Variants in KIAA1328 observed in about 807,000 individuals in gnomAD.
The protein encoded by KIAA1328 is protein hinderin.
KIAA1328 carries 52 observed loss-of-function variants against 68.1 expected under a neutral mutation model. The observed-to-expected ratio is 0.76, with a 90% CI of 0.61 to 0.96. KIAA1328 has a LOEUF of 0.96. KIAA1328 is among the 40% of genes least tolerant of loss of function. The pLI, the probability that KIAA1328 is intolerant of heterozygous loss-of-function variation, is 0.00. For synonymous variants in KIAA1328, 232 were observed against 239.4 expected (o/e 0.97, Z 0.28); for missense variants, 641 against 677.6 (o/e 0.95, Z 0.60).
chr18:37,075,087 G>A (rs2056671353), intron 7 of KIAA1328: 1 of 151,894 alleles, frequency 6.6e-6, no homozygotes, highest in Admixed American at 6.6e-5. Flanking sequence ...AGAGAGAAAG[G>A]TTGGGTTACC....
chr18:37,134,858 C>T (rs921488940), intron 7 of KIAA1328, among the ~76,000 whole-genome samples: 3 of 152,148 alleles, frequency 2.0e-5, no homozygotes, highest in Non-Finnish European at 4.4e-5. Context: ...CTGTCCCTCA[C>T]TCCCACCTTC....
chr18:37,123,592 A>G (rs533431293), intron 7 of KIAA1328, among the ~76,000 whole-genome samples: 8 of 152,176 alleles, frequency 5.3e-5, no homozygotes, highest in Non-Finnish European at 1.0e-4. Flanking sequence ...ATTAAATTTA[A>G]TAAATCCCAA....
intron 7 of KIAA1328, among the ~76,000 whole-genome samples, chr18:37,149,033 A>G (rs1283059489): frequency 4.6e-5 from 7 of 152,162 alleles, no homozygotes; most frequent in Admixed American, 2.0e-4. Flanking sequence ...GTGCTATTCC[A>G]TTAAACCGCA....
intron 7 of KIAA1328, among the ~76,000 whole-genome samples, chr18:37,138,718 A>G (rs1216190660): frequency 6.6e-6 from 1 of 152,010 alleles, no homozygotes; most frequent in East Asian, 1.9e-4. Flanking sequence ...CACCTGCCAC[A>G]TTATGTATTC....
At chr18:36,949,955 T>C (rs2051091219) in intron 5 of KIAA1328, among the ~76,000 whole-genome samples, 1 of 152,254 alleles carries the variant, frequency 6.6e-6, no homozygotes, top group South Asian at 2.1e-4. Context: ...TATCAGTGGC[T>C]TGTGCTCTTG....
intron 6 of KIAA1328, among the ~76,000 whole-genome samples, chr18:37,023,387 T>G (rs1323953845): frequency 6.6e-6 from 1 of 152,114 alleles, no homozygotes; most frequent in Non-Finnish European, 1.5e-5. Flanking sequence ...ACTAATTTTT[T>G]TTTTAATTTT....
At chr18:36,911,840 C>A (rs2049464499) in intron 5 of KIAA1328, among the ~76,000 whole-genome samples, 1 of 152,110 alleles carries the variant, frequency 6.6e-6, no homozygotes, top group East Asian at 1.9e-4. Flanking sequence ...CATGTAAAGG[C>A]TTAGCACAGT....
At chr18:37,078,373 A>C (rs926014421) in intron 7 of KIAA1328, among the ~76,000 whole-genome samples, 1 of 151,844 alleles carries the variant, frequency 6.6e-6, no homozygotes, top group African/African-American at 2.4e-5. Context: ...AACCATAAAA[A>C]CCCTAGAAGA....
intron 6 of KIAA1328, among the ~76,000 whole-genome samples, chr18:37,016,659 G>A (rs2054163567): frequency 6.6e-6 from 1 of 152,068 alleles, no homozygotes; most frequent in African/African-American, 2.4e-5. Context: ...ATATTGTTCT[G>A]TTCAGTGTTT....
At chr18:37,055,842 T>C (rs777523479) in intron 6 of KIAA1328, among the ~76,000 whole-genome samples, 2 of 152,198 alleles carry the variant, frequency 1.3e-5, no homozygotes, top group Non-Finnish European at 2.9e-5. Flanking sequence ...TGAGGATTGT[T>C]ATAGGGTGCT....
chr18:37,033,044 T>G (rs1458113573), intron 6 of KIAA1328, among the ~76,000 whole-genome samples: 1 of 152,214 alleles, frequency 6.6e-6, no homozygotes, highest in East Asian at 1.9e-4. Flanking sequence ...TCTTCACTAG[T>G]TTTTAGAAAT....
At position 37,223,528 on chromosome 18, in the gene KIAA1328, T is replaced by G; in HGVS notation, c.*1301T>G. 1 of 985,362 alleles carries G rather than the reference T, an allele frequency of 1.0e-6. No homozygotes were observed. The highest frequency in any genetic ancestry group is 1.2e-6 in the Non-Finnish European group (1 of 829,912). The allele number at this position is 985,362 out of a possible 1,614,324, so 61.0% of individuals were successfully genotyped here. ...GGGAGGGTGTGTTCCCAGATGTGTA[T>G]TACTTGGGAATTTTATTTGATCTGG... is the stretch of plus-strand genomic sequence containing the variant. On this transcript the variant is annotated 3_prime_UTR_variant, in exon 10 of 10. Coordinates refer to ENST00000280020, the MANE Select transcript of KIAA1328 (RefSeq NM_020776.3).
At chr18:36,972,703 T>C (rs1173363760) in intron 6 of KIAA1328, among the ~76,000 whole-genome samples, 1 of 152,158 alleles carries the variant, frequency 6.6e-6, no homozygotes, top group Non-Finnish European at 1.5e-5. Context: ...ATGGATAGGG[T>C]GTCCCCTATA....
chr18:36,961,482 C>T (rs947046386), intron 6 of KIAA1328, among the ~76,000 whole-genome samples: 2 of 152,122 alleles, frequency 1.3e-5, no homozygotes, highest in Non-Finnish European at 2.9e-5. Flanking sequence ...AAAGATACTC[C>T]TCAAGAAGAG....
intron 9 of KIAA1328, among the ~76,000 whole-genome samples, chr18:37,208,101 A>C (rs1193696178): frequency 6.6e-6 from 1 of 152,084 alleles, no homozygotes. Context: ...GAGCCACTGC[A>C]CCTGGCCAGA....
rs558935818 is a variant in KIAA1328 at position 36,970,460 on chromosome 18, A to G, written c.576+11025A>G. On this transcript the variant is annotated intron_variant, in intron 6 of 9. Transcript: ENST00000280020. ...AGTATTGGAAGTTCTGGCCAGGGCAATCGGGGAAGAGAAAGAAATAAATGG... is the reference window on the plus strand; with the variant it reads ...AGTATTGGAAGTTCTGGCCAGGGCAGTCGGGGAAGAGAAAGAAATAAATGG... Among the ~76,000 whole-genome samples, 6 of 152,322 alleles carry G rather than the reference A, an allele frequency of 3.9e-5. 1 individual carries two copies. The South Asian group carries it at 1.0e-3, about 26-fold the overall frequency.
intron 7 of KIAA1328, among the ~76,000 whole-genome samples, chr18:37,152,165 A>G (rs1159999183): frequency 1.3e-5 from 2 of 151,778 alleles, no homozygotes; most frequent in Non-Finnish European, 2.9e-5. Flanking sequence ...TGTGTTTCAT[A>G]TGTACATGGA....
At chr18:37,132,514 G>A (rs1042104726) in intron 7 of KIAA1328, among the ~76,000 whole-genome samples, 7 of 152,202 alleles carry the variant, frequency 4.6e-5, no homozygotes, top group African/African-American at 1.7e-4. Flanking sequence ...CAGAAGAGAA[G>A]GGCCAATTGG....
chr18:36,869,151 A>T (rs1208793049), intron 4 of KIAA1328, among the ~76,000 whole-genome samples: 1 of 151,510 alleles, frequency 6.6e-6, no homozygotes, highest in Admixed American at 6.6e-5. Context: ...AGAAAATTTT[A>T]AGAAAAGGAA....
Sources: allele counts gnomAD v4.1 joint callset (sites outside exome capture counted in the v4.1 genomes callset), GRCh38; gene constraint gnomAD v4.1.1; transcripts MANE v1.5; gene names NCBI Gene and HGNC (gene_info 2026-07-23, HGNC 2026-07-21).